CNTN5: variants seen among roughly 807,000 people sequenced by gnomAD.
CNTN5 encodes the protein contactin-5.
In CNTN5, 77 loss-of-function variants were observed where a neutral mutation model predicts 129.1. The ratio of observed to expected loss-of-function variants is 0.60; its 90% CI spans 0.50 to 0.72. The LOEUF is 0.72. Ranked by LOEUF, CNTN5 falls within the 30% of genes least tolerant of loss-of-function variation. The probability of loss-of-function intolerance (pLI) is 0.00; values close to 1 mark genes in which losing one functional copy is unlikely to be tolerated. For synonymous variants in CNTN5, 509 were observed against 465.6 expected (o/e 1.09, Z -1.20); for missense variants, 1,478 against 1,328.8 (o/e 1.11, Z -1.75).
intron 13 of CNTN5, among the ~76,000 whole-genome samples, chr11:100,155,197 A>G (rs747796752): frequency 7.2e-5 from 11 of 152,132 alleles, no homozygotes; most frequent in Admixed American, 1.3e-4. Flanking sequence ...TAATTTTTGT[A>G]TAAGGTGTAA....
At chr11:99,426,476 A>G (rs1943126235) in intron 2 of CNTN5, among the ~76,000 whole-genome samples, 1 of 152,200 alleles carries the variant, frequency 6.6e-6, no homozygotes, top group Non-Finnish European at 1.5e-5. Flanking sequence ...CAAATCTATT[A>G]AATTTTAATC....
intron 1 of CNTN5, among the ~76,000 whole-genome samples, chr11:99,324,404 A>C (rs962933292): frequency 2.6e-5 from 4 of 152,206 alleles, no homozygotes; most frequent in Non-Finnish European, 4.4e-5. Context: ...AAAGAGAAAA[A>C]CAGTAAAATA....
At chr11:99,612,616 C>T (rs1950624957) in intron 3 of CNTN5, among the ~76,000 whole-genome samples, 1 of 152,180 alleles carries the variant, frequency 6.6e-6, no homozygotes, top group South Asian at 2.1e-4. Context: ...ACGTAGGAGC[C>T]TGAGCTCTCC....
chr11:99,861,415 G>A (rs1463401504), intron 6 of CNTN5, among the ~76,000 whole-genome samples: 1 of 152,066 alleles, frequency 6.6e-6, no homozygotes, highest in Non-Finnish European at 1.5e-5. Context: ...CAAGGCTGGT[G>A]GTAAACTTAA....
chr11:100,230,052 A>G (rs1949457615), intron 16 of CNTN5, among the ~76,000 whole-genome samples: 1 of 152,196 alleles, frequency 6.6e-6, no homozygotes, highest in Non-Finnish European at 1.5e-5. Context: ...ACAATGACAA[A>G]TGTTTTCAGT....
intron 2 of CNTN5, among the ~76,000 whole-genome samples, chr11:99,438,742 A>ATGTT (rs2135137316): frequency 6.6e-6 from 1 of 152,316 alleles, no homozygotes; most frequent in East Asian, 1.9e-4. Flanking sequence ...CTATTCAGTA[A>ATGTT]TGTTTGTGCA....
chr11:99,037,838 A>T (rs1201696262), intron 1 of CNTN5, among the ~76,000 whole-genome samples: 1 of 151,958 alleles, frequency 6.6e-6, no homozygotes, highest in African/African-American at 2.4e-5. Context: ...CTGGGATTAC[A>T]GGTGTGAGCC....
intron 3 of CNTN5, among the ~76,000 whole-genome samples, chr11:99,714,263 T>C (rs1484644038): frequency 1.3e-5 from 2 of 152,012 alleles, no homozygotes; most frequent in South Asian, 2.1e-4. Flanking sequence ...TATTTCATTG[T>C]ATATTTCTTG....
intron 2 of CNTN5, among the ~76,000 whole-genome samples, chr11:99,393,681 C>A (rs914460104): frequency 5.9e-5 from 9 of 151,738 alleles, no homozygotes; most frequent in African/African-American, 2.2e-4. Flanking sequence ...TCTCATTCCC[C>A]ATCTTATTTG....
intron 2 of CNTN5, among the ~76,000 whole-genome samples, chr11:99,394,806 G>A (rs1270740960): frequency 6.6e-6 from 1 of 151,728 alleles, no homozygotes; most frequent in African/African-American, 2.4e-5. Flanking sequence ...TCGGTTTTCT[G>A]TTCCAGTGTT....
At chr11:99,711,617 G>A (rs995427499) in intron 3 of CNTN5, among the ~76,000 whole-genome samples, 2 of 151,732 alleles carry the variant, frequency 1.3e-5, no homozygotes, top group Non-Finnish European at 2.9e-5. Flanking sequence ...TTCTCCTAAT[G>A]CTCTCCCTCC....
chr11:99,619,459 TG>T (rs1329953739), intron 3 of CNTN5, among the ~76,000 whole-genome samples: 5 of 152,154 alleles, frequency 3.3e-5, no homozygotes, highest in Non-Finnish European at 7.4e-5. Flanking sequence ...AGTATAAAAT[TG>T]CTTCCATTTC....
chr11:99,671,535 A>T (rs79268668), intron 3 of CNTN5, among the ~76,000 whole-genome samples: 1,823 of 152,246 alleles, frequency 0.012, 39 homozygotes, highest in African/African-American at 0.041. Context: ...CACCTGATAC[A>T]TGAAGACAGG....
At chr11:99,265,485 C>T (rs1862843761) in intron 1 of CNTN5, among the ~76,000 whole-genome samples, 2 of 151,938 alleles carry the variant, frequency 1.3e-5, no homozygotes, top group Admixed American at 6.6e-5. Context: ...GGAAAGACAA[C>T]ATATTTGAAA....
At chr11:99,451,180 A>G (rs1357749845) in intron 2 of CNTN5, among the ~76,000 whole-genome samples, 5 of 152,134 alleles carry the variant, frequency 3.3e-5, no homozygotes, top group African/African-American at 1.2e-4. Context: ...GAAAATTTTA[A>G]AATTAGGTAA....
chr11:99,089,031 A>G (rs1866123226), intron 1 of CNTN5, among the ~76,000 whole-genome samples: 1 of 152,072 alleles, frequency 6.6e-6, no homozygotes, highest in Non-Finnish European at 1.5e-5. Flanking sequence ...TTAGTTAATA[A>G]CCGATTAAAA....
chr11:99,368,365 G>A (rs1273715650), intron 2 of CNTN5, among the ~76,000 whole-genome samples: 2 of 151,948 alleles, frequency 1.3e-5, no homozygotes, highest in African/African-American at 2.4e-5. Flanking sequence ...TTGGAGTCCC[G>A]GTGTGGTGGT....
At chr11:99,993,061 G>A (rs1235386814) in intron 8 of CNTN5, among the ~76,000 whole-genome samples, 1 of 152,154 alleles carries the variant, frequency 6.6e-6, no homozygotes, top group Non-Finnish European at 1.5e-5. Context: ...TGTCTTATGG[G>A]ACTGTCTCCC....
chr11:99,850,376 AATG>A (rs1465061867), intron 6 of CNTN5, among the ~76,000 whole-genome samples: 4 of 152,164 alleles, frequency 2.6e-5, no homozygotes, highest in Non-Finnish European at 5.9e-5. Context: ...TTTCGCAGAA[AATG>A]ATGACAAGGA....
Sources: allele counts gnomAD v4.1 joint callset (sites outside exome capture counted in the v4.1 genomes callset), GRCh38; gene constraint gnomAD v4.1.1; transcripts MANE v1.5; gene names NCBI Gene and HGNC (gene_info 2026-07-23, HGNC 2026-07-21).